ABCC11: variants seen among roughly 807,000 people sequenced by gnomAD.
ABCC11 encodes the protein ATP binding cassette subfamily C member 11.
Under a neutral mutation model 149.3 loss-of-function variants are expected in ABCC11, and 135 were observed. That is an observed-to-expected ratio of 0.90 (90% CI 0.79 to 1.04). The LOEUF (loss-of-function observed/expected upper bound fraction) is 1.04. Among genes scored for constraint, ABCC11 ranks in the 50% least tolerant of loss-of-function variants. The probability of loss-of-function intolerance (pLI) is 0.00; values close to 1 mark genes in which losing one functional copy is unlikely to be tolerated. For missense variants in ABCC11, 1,680 were observed against 1,722.1 expected, an observed-to-expected ratio of 0.98 and a Z score of 0.43; for synonymous variants, 665 against 671.4, an observed-to-expected ratio of 0.99 and a Z score of 0.15.
chr16:48,178,473 G>T (rs1966226472), intron 24 of ABCC11, 124 bp downstream of exon 24: 2 of 851,730 alleles, frequency 2.3e-6, no homozygotes, highest in Non-Finnish European at 1.9e-6. Flanking sequence ...GGGAGGAAAG[G>T]CCAGGAGCCT....
At chr16:48,179,463 C>T (rs929788462) in intron 23 of ABCC11, among the ~76,000 whole-genome samples, 2 of 152,228 alleles carry the variant, frequency 1.3e-5, no homozygotes, top group African/African-American at 4.8e-5. Flanking sequence ...CTCCATTACC[C>T]TGGCCCAAGA....
chr16:48,220,992 G>A (rs1343179230), intron 6 of ABCC11, among the ~76,000 whole-genome samples: 1 of 152,194 alleles, frequency 6.6e-6, no homozygotes, highest in African/African-American at 2.4e-5. Context: ...TGGAGATCCC[G>A]TCACGGAGGA....
chr16:48,196,305 G>A lies in ABCC11; in HGVS notation c.2331C>T (p.Leu777=). The A allele has an allele frequency of 1.2e-6, 2 of 1,614,078 alleles. No individual in the cohort carries two copies. The highest frequency in any genetic ancestry group is 1.7e-6 in the Non-Finnish European group (2 of 1,179,974). The change falls in exon 18 of 30, where the codon CTC becomes CTT. Residue 777 remains leucine, a synonymous_variant. Coordinates refer to ENST00000356608, the MANE Select transcript of ABCC11 (RefSeq NM_001370497.1). ...LNGNAVPEHQ[L]TQEEEMEEGS... ...CTTCTTCCATCTCCTCCTCCTGTGT[G>A]AGCTGATGCTCCGGCACTGGGTCAG...
intron 1 of ABCC11, among the ~76,000 whole-genome samples, chr16:48,246,697 C>T (rs1472418991): frequency 6.6e-6 from 1 of 152,068 alleles, no homozygotes; most frequent in Non-Finnish European, 1.5e-5. Context: ...GCCTCAGCTT[C>T]TGGAGTGGCT....
chr16:48,233,977 T>C (rs1440273439), intron 1 of ABCC11, among the ~76,000 whole-genome samples: 1 of 152,234 alleles, frequency 6.6e-6, no homozygotes, highest in Non-Finnish European at 1.5e-5. Context: ...CCTTATTTTA[T>C]TTTACTACTC....
At chr16:48,198,844 C>T (rs1028576527) in intron 15 of ABCC11, among the ~76,000 whole-genome samples, 28 of 152,022 alleles carry the variant, frequency 1.8e-4, no homozygotes, top group African/African-American at 6.5e-4. Flanking sequence ...CAAGACCAGC[C>T]TGGCCAACAC....
At chr16:48,206,334 A>G (rs1968446627) in intron 12 of ABCC11, among the ~76,000 whole-genome samples, 1 of 152,250 alleles carries the variant, frequency 6.6e-6, no homozygotes, top group African/African-American at 2.4e-5. Flanking sequence ...AGTATTCTAC[A>G]AAATATATGT....
At chr16:48,172,675 G>A (rs1965797664) in intron 26 of ABCC11, among the ~76,000 whole-genome samples, 2 of 152,178 alleles carry the variant, frequency 1.3e-5, no homozygotes, top group Admixed American at 1.3e-4. Flanking sequence ...GGCAATGCAT[G>A]AGAGTTTCAA....
chr16:48,194,433 C>T (rs1967204444), intron 18 of ABCC11, among the ~76,000 whole-genome samples: 1 of 152,186 alleles, frequency 6.6e-6, no homozygotes, highest in Non-Finnish European at 1.5e-5. Flanking sequence ...CTATTATGTG[C>T]TACATGCCAG....
intron 13 of ABCC11, 25 bp downstream of exon 13, chr16:48,205,388 T>C: frequency 6.2e-7 from 1 of 1,613,988 alleles, no homozygotes; most frequent in East Asian, 2.2e-5. Context: ...CCCTGTACTC[T>C]CCCTTTCCCC....
chr16:48,245,608 C>T (rs1022261131), intron 1 of ABCC11, among the ~76,000 whole-genome samples: 1 of 152,082 alleles, frequency 6.6e-6, no homozygotes, highest in Non-Finnish European at 1.5e-5. Context: ...GCCCCTCCGT[C>T]CCAGGGAAAC....
chr16:48,238,367 G>C (rs1045080922), intron 1 of ABCC11, among the ~76,000 whole-genome samples: 2 of 152,170 alleles, frequency 1.3e-5, no homozygotes, highest in African/African-American at 4.8e-5. Flanking sequence ...GCTGAGAGAT[G>C]CTTGAGAGTA....
chr16:48,194,062 T>G, intron 18 of ABCC11, 80 bp from the exon 19 acceptor site: 11 of 1,002,416 alleles, frequency 1.1e-5, no homozygotes, highest in African/African-American at 1.6e-5. Flanking sequence ...CGGCCATCTC[T>G]GTCTTTGAGT....
chr16:48,171,016 G>C (rs1296770559), intron 26 of ABCC11, 49 bp from the exon 27 acceptor site: 1 of 1,472,340 alleles, frequency 6.8e-7, no homozygotes, highest in South Asian at 1.1e-5. Flanking sequence ...CCCAGGCTTT[G>C]AACACTCATT....
chr16:48,203,324 G>C lies in ABCC11; in HGVS notation c.1806-24C>G, dbSNP rs777814440. On this transcript the variant is annotated intron_variant, in intron 13 of 29. Transcript: ENST00000356608. ...ATCTGTGAAGGACAGGGAGCCATAA[G>C]GCACAGGGGACCAGCCCTCCCGCCC... is the stretch of plus-strand genomic sequence containing the variant. 4.5e-6 allele frequency: 7 copies of C among 1,556,762 alleles called. No homozygotes were observed. In the Admixed American group the frequency reaches 1.1e-4, roughly 25 times the overall value.
intron 4 of ABCC11, among the ~76,000 whole-genome samples, chr16:48,224,793 C>A (rs924693067): frequency 6.6e-6 from 1 of 152,122 alleles, no homozygotes; most frequent in South Asian, 2.1e-4. Context: ...GAGGCTAAGG[C>A]GGGTGGATCA....
intron 28 of ABCC11, among the ~76,000 whole-genome samples, 160 bp downstream of exon 28, chr16:48,169,945 T>C (rs1295842500): frequency 1.3e-5 from 2 of 149,416 alleles, no homozygotes; most frequent in African/African-American, 5.0e-5. Context: ...ATAAGCCCTT[T>C]GGATTCTGTT....
At chr16:48,218,058 A>T (rs1413053108) in intron 6 of ABCC11, among the ~76,000 whole-genome samples, 1 of 152,216 alleles carries the variant, frequency 6.6e-6, no homozygotes, top group Non-Finnish European at 1.5e-5. Flanking sequence ...ACACTCTGGG[A>T]GGCTGAGGCA....
At chr16:48,195,175 C>T (rs1041328490) in intron 18 of ABCC11, among the ~76,000 whole-genome samples, 2 of 152,226 alleles carry the variant, frequency 1.3e-5, no homozygotes, top group Non-Finnish European at 2.9e-5. Context: ...ATCTCTCTTA[C>T]CATCTGATGG....
Sources: gnomAD v4.1 joint callset for allele counts (sites outside exome capture counted in the v4.1 genomes callset) on GRCh38, gnomAD v4.1.1 for gene constraint, MANE v1.5 for transcripts, NCBI Gene and HGNC (gene_info 2026-07-23, HGNC 2026-07-21) for gene names.